SKAP1: variants seen among roughly 807,000 people sequenced by gnomAD.
The protein encoded by SKAP1 is src kinase associated phosphoprotein 1.
SKAP1 carries 44 observed loss-of-function variants against 58.5 expected under a neutral mutation model. The observed-to-expected ratio is 0.75, with a 90% CI of 0.59 to 0.97. The LOEUF is 0.97. Ranked by LOEUF, SKAP1 falls within the 50% of genes least tolerant of loss-of-function variation. SKAP1 has a pLI of 0.00. For missense variants in SKAP1, 390 were observed against 435.2 expected (o/e 0.90, Z 0.92); for synonymous variants, 127 against 149.7 (o/e 0.85, Z 1.11).
At chr17:48,290,623 T>A (rs181152384) in intron 4 of SKAP1, among the ~76,000 whole-genome samples, 92 of 149,442 alleles carry the variant, frequency 6.2e-4, no homozygotes, top group Non-Finnish European at 1.0e-3. Context: ...TAGTTTACAT[T>A]ACATCATGTC....
At position 48,363,940 on chromosome 17, in the gene SKAP1, C is replaced by T. The variant is rs574102726; in HGVS notation, c.153-126G>A. On this transcript the variant is annotated intron_variant, in intron 2 of 12. Transcript: ENST00000336915. ...TAAAGTCTATAACCAGCCAAAGTCA[C>T]TACTAATTTTGAGAAAAACAAAAGG... is the stretch of plus-strand genomic sequence containing the variant. 1.1e-5 allele frequency: 6 copies of T among 566,226 alleles called. No homozygotes were observed. The East Asian group carries it at 1.8e-4, about 17-fold the overall frequency. The allele number at this position is 566,226 out of a possible 1,614,324, so 35.1% of individuals were successfully genotyped here.
chr17:48,406,455 G>T (rs1598666687), intron 1 of SKAP1, among the ~76,000 whole-genome samples: 1 of 150,324 alleles, frequency 6.7e-6, no homozygotes, highest in Non-Finnish European at 1.5e-5. Context: ...CCAGGCTGGA[G>T]TGCAGTGGCA....
intron 4 of SKAP1, among the ~76,000 whole-genome samples, chr17:48,345,234 T>G (rs962800263): frequency 3.3e-5 from 5 of 152,262 alleles, no homozygotes; most frequent in African/African-American, 7.2e-5. Context: ...ATGTCTTATC[T>G]TAAAAATTCA....
At chr17:48,291,402 T>G (rs1419590526) in intron 4 of SKAP1, among the ~76,000 whole-genome samples, 2 of 152,216 alleles carry the variant, frequency 1.3e-5, no homozygotes, top group African/African-American at 4.8e-5. Context: ...TCATCTATTC[T>G]GCTTCATCTA....
the SKAP1 span, among the ~76,000 whole-genome samples, chr17:48,440,799 C>A: frequency 6.6e-6 from 1 of 152,302 alleles, no homozygotes; most frequent in South Asian, 2.1e-4. Flanking sequence ...GCAGGACTTC[C>A]CCACCTCTAT....
At chr17:48,139,932 A>G (rs1218656903) in intron 11 of SKAP1, among the ~76,000 whole-genome samples, 1 of 152,162 alleles carries the variant, frequency 6.6e-6, no homozygotes, top group African/African-American at 2.4e-5. Context: ...TTCCTTTCCG[A>G]GAGATGAGGT....
intron 4 of SKAP1, among the ~76,000 whole-genome samples, chr17:48,341,841 C>T (rs1327925162): frequency 6.6e-6 from 1 of 152,122 alleles, no homozygotes; most frequent in African/African-American, 2.4e-5. Context: ...GTTCAATATC[C>T]ATTCACCCAT....
chr17:48,134,341 T>C (rs764196511), intron 12 of SKAP1, among the ~76,000 whole-genome samples: 1 of 152,200 alleles, frequency 6.6e-6, no homozygotes, highest in Non-Finnish European at 1.5e-5. Context: ...TTTTTTTAGA[T>C]GGAGTCTTGC....
intron 4 of SKAP1, among the ~76,000 whole-genome samples, chr17:48,278,868 G>A (rs1420425343): frequency 6.6e-6 from 1 of 152,136 alleles, no homozygotes; most frequent in Non-Finnish European, 1.5e-5. Flanking sequence ...GTGTTACTAT[G>A]AGGAGGGAAC....
chr17:48,294,518 A>C (rs1400286569), intron 4 of SKAP1: 3 of 152,156 alleles, frequency 2.0e-5, no homozygotes, highest in African/African-American at 7.2e-5. Context: ...TTTCAAAGGT[A>C]TGTTGTTTAC....
At chr17:48,278,780 A>T (rs1242834491) in intron 4 of SKAP1, among the ~76,000 whole-genome samples, 1 of 152,182 alleles carries the variant, frequency 6.6e-6, no homozygotes, top group African/African-American at 2.4e-5. Context: ...ACCAAGAGAA[A>T]GAAGAAAAGG....
At chr17:48,264,373 T>C (rs2065519052) in intron 4 of SKAP1, among the ~76,000 whole-genome samples, 1 of 152,188 alleles carries the variant, frequency 6.6e-6, no homozygotes, top group African/African-American at 2.4e-5. Context: ...TTCTTTGAAA[T>C]CCATTTAATG....
At chr17:48,307,904 G>T (rs903503697) in intron 4 of SKAP1, 1 of 152,134 alleles carries the variant, frequency 6.6e-6, no homozygotes, top group Non-Finnish European at 1.5e-5. Context: ...TTTAGTGATT[G>T]ATATTTCTGA....
At chr17:48,196,496 T>C (rs1272376098) in intron 4 of SKAP1, among the ~76,000 whole-genome samples, 1 of 152,232 alleles carries the variant, frequency 6.6e-6, no homozygotes, top group African/African-American at 2.4e-5. Context: ...ATGAATAATC[T>C]GTCATCCAGG....
chr17:48,248,109 G>A (rs932446221), intron 4 of SKAP1, among the ~76,000 whole-genome samples: 6 of 152,112 alleles, frequency 3.9e-5, no homozygotes, highest in African/African-American at 1.4e-4. Flanking sequence ...GATAAAAGAG[G>A]CCAATGAACA....
intron 4 of SKAP1, among the ~76,000 whole-genome samples, chr17:48,335,004 T>C (rs1463269424): frequency 6.6e-6 from 1 of 151,906 alleles, no homozygotes; most frequent in Non-Finnish European, 1.5e-5. Flanking sequence ...TAATTAATAT[T>C]TGATCATTGT....
At chr17:48,165,924 T>C (rs1311094660) in intron 10 of SKAP1, among the ~76,000 whole-genome samples, 1 of 152,192 alleles carries the variant, frequency 6.6e-6, no homozygotes, top group Non-Finnish European at 1.5e-5. Context: ...CCATTTGGAA[T>C]GAAAAACAAA....
chr17:48,347,283 G>T (rs1392367641), intron 3 of SKAP1, among the ~76,000 whole-genome samples: 1 of 152,108 alleles, frequency 6.6e-6, no homozygotes, highest in Non-Finnish European at 1.5e-5. Context: ...ATTTCCAAAG[G>T]AAATCACCAA....
chr17:48,208,920 C>G (rs2064839532), intron 4 of SKAP1, among the ~76,000 whole-genome samples: 1 of 152,166 alleles, frequency 6.6e-6, no homozygotes, highest in South Asian at 2.1e-4. Context: ...GGACTTGGGC[C>G]TGTATCTAAA....
Sources: allele counts gnomAD v4.1 joint callset (sites outside exome capture counted in the v4.1 genomes callset), GRCh38; gene constraint gnomAD v4.1.1; transcripts MANE v1.5; gene names NCBI Gene and HGNC (gene_info 2026-07-23, HGNC 2026-07-21).